Variants in DPCD observed in about 807,000 individuals in gnomAD.
The protein encoded by DPCD is deleted in primary ciliary dyskinesia homolog (mouse), also known as protein DPCD.
DPCD carries 20 observed loss-of-function variants against 26.4 expected under a neutral mutation model. The ratio of observed to expected loss-of-function variants is 0.76; its 90% CI spans 0.53 to 1.10. The LOEUF (loss-of-function observed/expected upper bound fraction) is 1.10, where lower values mean the gene tolerates loss of function less well. DPCD is among the 50% of genes least tolerant of loss of function. The probability of loss-of-function intolerance (pLI) is 0.00; values close to 1 mark genes in which losing one functional copy is unlikely to be tolerated. For missense variants in DPCD, 202 were observed against 253.9 expected, an observed-to-expected ratio of 0.80 and a Z score of 1.39; for synonymous variants, 97 against 94.2, an observed-to-expected ratio of 1.03 and a Z score of -0.17.
intron 2 of DPCD, among the ~76,000 whole-genome samples, chr10:101,598,881 A>G (rs1172806476): frequency 6.6e-6 from 1 of 152,082 alleles, no homozygotes; most frequent in Non-Finnish European, 1.5e-5. Context: ...TGGCCTCCCA[A>G]AGTGCTGGGA....
intron 1 of DPCD, among the ~76,000 whole-genome samples, chr10:101,593,857 G>T (rs2063630784): frequency 6.6e-6 from 1 of 152,126 alleles, no homozygotes; most frequent in South Asian, 2.1e-4. Context: ...AACGGATAGT[G>T]CATCAGTGTT....
At position 101,606,894 on chromosome 10, in the gene DPCD, G is replaced by A. The variant is rs951892699; in HGVS notation, c.405-1941G>A. On this transcript the variant is annotated intron_variant, in intron 4 of 5. Coordinates refer to ENST00000370151, the MANE Select transcript of DPCD (RefSeq NM_015448.3). ...CTCCCTACTCCCTTGAGCCTATCGGGAGCTTCTAAGAAGTTGGTTAACCTC... is the reference window on the plus strand; with the variant it reads ...CTCCCTACTCCCTTGAGCCTATCGGAAGCTTCTAAGAAGTTGGTTAACCTC... Among the ~76,000 whole-genome samples, 3 of 152,148 alleles carry A rather than the reference G, an allele frequency of 2.0e-5. No homozygotes were observed. In the East Asian group the frequency reaches 5.8e-4, roughly 29 times the overall value.
rs2063691229 is a variant in DPCD, at chr10:101,600,900, G to T, written c.270+38G>T. 6.2e-7 allele frequency: 1 copy of T among 1,613,094 alleles called. No individual in the cohort carries two copies. The highest frequency in any genetic ancestry group is 8.5e-7 in the Non-Finnish European group (1 of 1,179,792). Reference sequence around the variant, plus strand: ...GTCCAGGTGTCTTGCACGGACTGAGGTGGGGGTGGGCTGTGGGCTGCTGGC... The same window carrying T: ...GTCCAGGTGTCTTGCACGGACTGAGTTGGGGGTGGGCTGTGGGCTGCTGGC... On this transcript the variant is annotated intron_variant, in intron 3 of 5. Coordinates refer to ENST00000370151, the MANE Select transcript of DPCD (RefSeq NM_015448.3). The surrounding 1 kb of genome is among the most constrained non-coding windows in gnomAD (Gnocchi z 4.7).
At chr10:101,591,997 T>C (rs985025997) in intron 1 of DPCD, among the ~76,000 whole-genome samples, 7 of 152,042 alleles carry the variant, frequency 4.6e-5, no homozygotes, top group Non-Finnish European at 8.8e-5. Context: ...ATAATTTATA[T>C]TTTTATACAT....
At chr10:101,601,423 G>A (rs779136216) in intron 4 of DPCD, 87 bp downstream of exon 4, 3 of 1,465,530 alleles carry the variant, frequency 2.0e-6, no homozygotes, top group Non-Finnish European at 9.3e-7. Flanking sequence ...CATTATTCAG[G>A]CCGGTCCTGC....
Position 101,601,186 on chromosome 10 carries a change from G to C in DPCD, c.271-17G>C. Reference sequence around the variant, plus strand: ...CTTCCCCAGGAACAGTCCTCGAGTTGGATTTGCCTTCTGCAGCCTATCTTC... The same window carrying C: ...CTTCCCCAGGAACAGTCCTCGAGTTCGATTTGCCTTCTGCAGCCTATCTTC... On this transcript the variant is annotated splice_polypyrimidine_tract_variant and intron_variant, in intron 3 of 5. Transcript: ENST00000370151. The C allele has an allele frequency of 6.2e-7, 1 of 1,613,580 alleles. No individual in the cohort carries two copies. The highest frequency in any genetic ancestry group is 8.5e-7 in the Non-Finnish European group (1 of 1,179,908).
intron 1 of DPCD, among the ~76,000 whole-genome samples, chr10:101,589,826 G>C (rs907525316): frequency 6.6e-6 from 1 of 152,226 alleles, no homozygotes; most frequent in African/African-American, 2.4e-5. Context: ...GGAGGTTGCA[G>C]TGAACTGAGA....
At position 101,599,916 on chromosome 10, in the gene DPCD, G is replaced by A. The variant is rs184166155; in HGVS notation, c.146-822G>A. On this transcript the variant is annotated intron_variant, in intron 2 of 5. Coordinates refer to ENST00000370151, the MANE Select transcript of DPCD (RefSeq NM_015448.3). ...ATGGCTCAGAAAAGATCCCCCTGCA[G>A]TGATGGACCGCATGGTTCCTGAAAA... is the stretch of plus-strand genomic sequence containing the variant. Among the ~76,000 whole-genome samples the A allele has an allele frequency of 8.5e-5, 13 of 152,352 alleles. No homozygotes were observed. In the East Asian group the frequency reaches 2.5e-3, roughly 29 times the overall value.
In DPCD at chr10:101,600,376, T is replaced by A. The variant is rs1285641518; in HGVS notation, c.146-362T>A. Among the ~76,000 whole-genome samples, 1 of 152,182 alleles carries A rather than the reference T, an allele frequency of 6.6e-6. No homozygotes were observed. Among genetic ancestry groups the A allele is most frequent in the Non-Finnish European group, 1.5e-5 (1 of 68,026 alleles). The stretch of plus-strand genomic sequence containing the variant: ...ACTCCTTTTTGGGATCCAAATTTTC[T>A]CCATTACCAGAAACAACCCTTTTCC... On this transcript the variant is annotated intron_variant, in intron 2 of 5. Coordinates refer to ENST00000370151, the MANE Select transcript of DPCD (RefSeq NM_015448.3). The surrounding 1 kb of genome is among the most constrained non-coding windows in gnomAD (Gnocchi z 4.7).
chr10:101,598,259 C>T (rs1288270316), intron 2 of DPCD, among the ~76,000 whole-genome samples: 1 of 152,134 alleles, frequency 6.6e-6, no homozygotes, highest in Non-Finnish European at 1.5e-5. Context: ...TTATCCAGCC[C>T]TAGGTCGTGA....
intron 1 of DPCD, among the ~76,000 whole-genome samples, chr10:101,591,822 T>C (rs979705268): frequency 6.6e-6 from 1 of 152,084 alleles, no homozygotes; most frequent in East Asian, 1.9e-4. Flanking sequence ...GCTGGGATTA[T>C]AGGCGCCCGC....
intron 4 of DPCD, among the ~76,000 whole-genome samples, chr10:101,605,979 T>C (rs1478461892): frequency 6.6e-6 from 1 of 152,224 alleles, no homozygotes; most frequent in Non-Finnish European, 1.5e-5. Flanking sequence ...CAATTAAATG[T>C]GTTTAGAACC....
chr10:101,591,254 G>A (rs937384136), intron 1 of DPCD, among the ~76,000 whole-genome samples: 20 of 152,138 alleles, frequency 1.3e-4, no homozygotes, highest in African/African-American at 4.3e-4. Flanking sequence ...CACCTTTTGG[G>A]TATTGTGGAT....
intron 4 of DPCD, 134 bp from the exon 5 acceptor site, chr10:101,608,701 T>C: frequency 1.6e-6 from 1 of 630,938 alleles, no homozygotes; most frequent in South Asian, 1.8e-5. Context: ...GTGTTCTAAC[T>C]GGTTTCCCTT....
intron 2 of DPCD, among the ~76,000 whole-genome samples, chr10:101,598,839 G>T (rs369937393): frequency 3.7e-4 from 57 of 152,124 alleles, no homozygotes; most frequent in African/African-American, 1.3e-3. Flanking sequence ...GGCCAGGCTG[G>T]TCTCGAACTC....
chr10:101,593,904 A>G (rs1384425672), intron 1 of DPCD, among the ~76,000 whole-genome samples: 2 of 152,090 alleles, frequency 1.3e-5, no homozygotes, highest in Non-Finnish European at 1.5e-5. Context: ...TTGAGCTCCT[A>G]GTATATGCCA....
At chr10:101,608,760 G>T in intron 4 of DPCD, 75 bp from the exon 5 acceptor site, 1 of 949,134 alleles carries the variant, frequency 1.1e-6, no homozygotes, top group Non-Finnish European at 1.7e-6. Flanking sequence ...GTAGAAGCTA[G>T]GCAGCAGAGG....
intron 1 of DPCD, chr10:101,588,813 C>A: frequency 2.7e-6 from 1 of 371,714 alleles, no homozygotes; most frequent in Non-Finnish European, 3.7e-6. Context: ...TCACCACGGG[C>A]GCTTCAGTCG....
intron 1 of DPCD, among the ~76,000 whole-genome samples, chr10:101,590,242 C>T (rs1483485448): frequency 6.6e-6 from 1 of 152,014 alleles, no homozygotes; most frequent in Non-Finnish European, 1.5e-5. Context: ...CAGAACAAAC[C>T]ACCTATAACT....
Sources: gnomAD v4.1 joint callset for allele counts (sites outside exome capture counted in the v4.1 genomes callset) on GRCh38, gnomAD v4.1.1 for gene constraint, Gnocchi (gnomAD v3.1) non-coding constraint, MANE v1.5 for transcripts, NCBI Gene and HGNC (gene_info 2026-07-23, HGNC 2026-07-21) for gene names.